FAM185A: variants seen among roughly 807,000 people sequenced by gnomAD.
FAM185A encodes protein FAM185A.
Under a neutral mutation model 45.7 loss-of-function variants are expected in FAM185A, and 21 were observed. That is an observed-to-expected ratio of 0.46 (90% CI 0.33 to 0.66). The LOEUF is 0.66. FAM185A is among the 30% of genes least tolerant of loss of function. FAM185A has a pLI of 0.03. For missense variants in FAM185A, 305 were observed against 485.4 expected (o/e 0.63, Z 3.49); for synonymous variants, 117 against 194.0 (o/e 0.60, Z 3.30).
At chr7:102,757,416 T>C (rs577453132) in intron 2 of FAM185A, among the ~76,000 whole-genome samples, 120 of 152,350 alleles carry the variant, frequency 7.9e-4, no homozygotes, top group Middle Eastern at 3.4e-3. Flanking sequence ...TGGTTTGTCG[T>C]GAGGATTAAA....
At chr7:102,764,091 G>A (rs1421520889) in intron 4 of FAM185A, among the ~76,000 whole-genome samples, 1 of 152,090 alleles carries the variant, frequency 6.6e-6, no homozygotes, top group Non-Finnish European at 1.5e-5. Context: ...AGAAGGAGAA[G>A]GGGAAGGGAA....
At chr7:102,760,308 C>A (rs539543751) in intron 3 of FAM185A, among the ~76,000 whole-genome samples, 1 of 152,048 alleles carries the variant, frequency 6.6e-6, no homozygotes, top group East Asian at 1.9e-4. Flanking sequence ...CAGGAAGATA[C>A]TGATTTTTAA....
At chr7:102,836,679 G>A in the FAM185A span, among the ~76,000 whole-genome samples, 6 of 152,176 alleles carry the variant, frequency 3.9e-5, no homozygotes, top group Admixed American at 6.5e-5. Flanking sequence ...ATCTCTTAGC[G>A]AGTTAGATCA....
intron 6 of FAM185A, among the ~76,000 whole-genome samples, chr7:102,778,084 C>G (rs1348376732): frequency 6.6e-6 from 1 of 152,214 alleles, no homozygotes; most frequent in Non-Finnish European, 1.5e-5. Flanking sequence ...TTTAAATAGT[C>G]TAGCAGCTCT....
chr7:102,795,202 G>GTTAA (rs1453720374), intron 7 of FAM185A, among the ~76,000 whole-genome samples: 3 of 152,208 alleles, frequency 2.0e-5, no homozygotes, highest in African/African-American at 7.2e-5. Flanking sequence ...CTATAGTCCA[G>GTTAA]TTAATTTGCC....
the FAM185A span, among the ~76,000 whole-genome samples, chr7:102,842,639 A>G: frequency 4.2e-4 from 64 of 152,106 alleles, 1 homozygote; most frequent in Non-Finnish European, 6.9e-4. Context: ...CCCTTCTTAC[A>G]CTCCAGAGAG....
chr7:102,771,732 C>G (rs1332638139), intron 4 of FAM185A, among the ~76,000 whole-genome samples: 1 of 152,192 alleles, frequency 6.6e-6, no homozygotes, highest in Non-Finnish European at 1.5e-5. Context: ...TCTAGGAATA[C>G]TTACACATAC....
the FAM185A span, among the ~76,000 whole-genome samples, chr7:102,847,884 G>A: frequency 3.3e-5 from 5 of 152,006 alleles, no homozygotes; most frequent in Admixed American, 3.3e-4. Flanking sequence ...ATTGGTTTTA[G>A]CCTAGAAATG....
chr7:102,825,153 T>C, the FAM185A span, among the ~76,000 whole-genome samples: 13 of 152,220 alleles, frequency 8.5e-5, no homozygotes, highest in Admixed American at 2.0e-4. Context: ...ACCCTTAGGA[T>C]AGATTTCAGA....
chr7:102,839,323 A>T, the FAM185A span, among the ~76,000 whole-genome samples: 1 of 152,194 alleles, frequency 6.6e-6, no homozygotes, highest in Admixed American at 6.5e-5. Flanking sequence ...TGAAAATGGT[A>T]ATCAATAAAT....
the FAM185A span, chr7:102,822,020 A>G: frequency 6.2e-7 from 1 of 1,613,234 alleles, no homozygotes; most frequent in Non-Finnish European, 8.5e-7. Context: ...AAAGTTTGTC[A>G]TAGTCAGGTA....
At chr7:102,774,083 T>C (rs1052553994) in intron 5 of FAM185A, among the ~76,000 whole-genome samples, 6 of 152,114 alleles carry the variant, frequency 3.9e-5, no homozygotes, top group African/African-American at 1.4e-4. Flanking sequence ...TTAATGAACA[T>C]GGTAGGTAGC....
At chr7:102,833,012 T>C in the FAM185A span, 1 of 1,610,374 alleles carries the variant, frequency 6.2e-7, no homozygotes, top group East Asian at 2.2e-5. Flanking sequence ...TTCTTTTCTT[T>C]AGTCATCTAG....
intron 7 of FAM185A, among the ~76,000 whole-genome samples, chr7:102,793,452 G>A (rs534304953): frequency 3.9e-5 from 6 of 152,006 alleles, no homozygotes; most frequent in African/African-American, 1.2e-4. Flanking sequence ...CTCGTGATCC[G>A]CCCACCTCGG....
chr7:102,758,426 GCTTTTTTTTTTTTTTT>G (rs1304516310), intron 3 of FAM185A, among the ~76,000 whole-genome samples: 6 of 95,864 alleles, frequency 6.3e-5, no homozygotes, highest in Admixed American at 1.3e-4. Flanking sequence ...TGCTCTCACA[GCTTTTTTTTTTTTTTT>G]TTTTTTTTTT....
At chr7:102,816,497 T>G in the FAM185A span, among the ~76,000 whole-genome samples, 3 of 152,184 alleles carry the variant, frequency 2.0e-5, no homozygotes. Flanking sequence ...TCACACGGAC[T>G]GACTAACCTA....
chr7:102,750,829 G>A (rs994037946), intron 1 of FAM185A, among the ~76,000 whole-genome samples: 2 of 152,144 alleles, frequency 1.3e-5, no homozygotes, highest in Non-Finnish European at 2.9e-5. Flanking sequence ...AGCCAAGGAT[G>A]GCATTTGTAA....
chr7:102,829,375 T>C, the FAM185A span, among the ~76,000 whole-genome samples: 2 of 152,238 alleles, frequency 1.3e-5, no homozygotes, highest in Non-Finnish European at 2.9e-5. Flanking sequence ...CCTACACTTG[T>C]AGGACAGAAA....
chr7:102,832,462 C>G, the FAM185A span, among the ~76,000 whole-genome samples: 1 of 152,310 alleles, frequency 6.6e-6, no homozygotes, highest in Admixed American at 6.5e-5. Flanking sequence ...GATTTAATAA[C>G]TTGTAAAACA....
Sources: allele counts gnomAD v4.1 joint callset (sites outside exome capture counted in the v4.1 genomes callset), GRCh38; gene constraint gnomAD v4.1.1; transcripts MANE v1.5; gene names NCBI Gene and HGNC (gene_info 2026-07-23, HGNC 2026-07-21).